Variants in SOX5 observed in about 807,000 individuals in gnomAD.
The protein encoded by SOX5 is SRY-box transcription factor 5, also known as transcription factor SOX-5.
SOX5 carries 9 observed loss-of-function variants against 92.0 expected under a neutral mutation model. That is an observed-to-expected ratio of 0.10 (90% CI 0.06 to 0.17). The LOEUF is 0.17. Among genes scored for constraint, SOX5 ranks in the 10% least tolerant of loss-of-function variants. The pLI, the probability that SOX5 is intolerant of heterozygous loss-of-function variation, is 1.00. For missense variants in SOX5, 642 were observed against 944.5 expected (o/e 0.68, Z 4.20); for synonymous variants, 344 against 336.3 (o/e 1.02, Z -0.25).
chr12:24,230,920 A>G (rs1401639921), intron 3 of SOX5, among the ~76,000 whole-genome samples: 1 of 152,236 alleles, frequency 6.6e-6, no homozygotes, highest in Non-Finnish European at 1.5e-5. Flanking sequence ...TAAATCTAAA[A>G]AGTGGCACTG....
At chr12:23,934,600 C>T (rs1388483175) in intron 1 of SOX5, among the ~76,000 whole-genome samples, 3 of 150,812 alleles carry the variant, frequency 2.0e-5, no homozygotes, top group Non-Finnish European at 3.0e-5. Flanking sequence ...CCAGTTTATA[C>T]AATACATAAT....
chr12:24,449,642 A>G (rs1412556976), intron 1 of SOX5, among the ~76,000 whole-genome samples: 1 of 152,240 alleles, frequency 6.6e-6, no homozygotes, highest in African/African-American at 2.4e-5. Context: ...TAATAGTAGT[A>G]AATATTTTTT....
chr12:24,459,069 A>T (rs975758964), intron 1 of SOX5, among the ~76,000 whole-genome samples: 1 of 152,188 alleles, frequency 6.6e-6, no homozygotes, highest in Non-Finnish European at 1.5e-5. Context: ...CAAGAAGTCA[A>T]CATCCAAATA....
intron 3 of SOX5, among the ~76,000 whole-genome samples, chr12:23,802,130 G>A (rs2095670340): frequency 6.6e-6 from 1 of 152,026 alleles, no homozygotes; most frequent in Admixed American, 6.6e-5. Flanking sequence ...CTGGAGTGCA[G>A]TGGTGCGATC....
chr12:24,403,084 A>G (rs1444443303), intron 1 of SOX5, among the ~76,000 whole-genome samples: 3 of 152,220 alleles, frequency 2.0e-5, no homozygotes, highest in Non-Finnish European at 4.4e-5. Flanking sequence ...AAGACATGCT[A>G]CATTATTTAC....
At chr12:23,818,517 G>T (rs1313198942) in intron 3 of SOX5, among the ~76,000 whole-genome samples, 1 of 152,094 alleles carries the variant, frequency 6.6e-6, no homozygotes, top group African/African-American at 2.4e-5. Flanking sequence ...AATGTGAAGG[G>T]CTAGGACAGG....
chr12:23,625,062 C>T (rs2077599033), intron 8 of SOX5, among the ~76,000 whole-genome samples: 1 of 152,110 alleles, frequency 6.6e-6, no homozygotes, highest in African/African-American at 2.4e-5. Context: ...TGCAGGAGAG[C>T]AGGTAGTCAG....
intron 8 of SOX5, among the ~76,000 whole-genome samples, chr12:23,625,940 C>T (rs2138243281): frequency 6.6e-6 from 1 of 152,206 alleles, no homozygotes; most frequent in African/African-American, 2.4e-5. Flanking sequence ...ACAGTCCCTC[C>T]ATTGTTTCAC....
chr12:23,758,817 T>C (rs2094479953), intron 3 of SOX5, among the ~76,000 whole-genome samples: 1 of 151,926 alleles, frequency 6.6e-6, no homozygotes, highest in Admixed American at 6.6e-5. Context: ...GGCTTCAGGG[T>C]ACAAGTTCCA....
At chr12:24,316,129 A>T (rs1949674841) in intron 2 of SOX5, among the ~76,000 whole-genome samples, 1 of 152,190 alleles carries the variant, frequency 6.6e-6, no homozygotes, top group African/African-American at 2.4e-5. Context: ...AATAAAAATC[A>T]CTGGAGTCTT....
intron 8 of SOX5, among the ~76,000 whole-genome samples, chr12:23,639,562 T>C (rs73091368): frequency 0.078 from 11,862 of 152,218 alleles, 592 homozygotes; most frequent in Non-Finnish European, 0.11. Flanking sequence ...TCCCCAGATC[T>C]CATTTCAAAG....
At chr12:24,424,810 G>GGC (rs996619977) in intron 1 of SOX5, among the ~76,000 whole-genome samples, 9 of 148,902 alleles carry the variant, frequency 6.0e-5, no homozygotes, top group African/African-American at 1.5e-4. Flanking sequence ...TTTTTTTTTG[G>GGC]GGGGGGGGGA....
At chr12:24,475,999 A>AT (rs68186105) in intron 1 of SOX5, among the ~76,000 whole-genome samples, 6,096 of 100,780 alleles carry the variant, frequency 0.06, 169 homozygotes, top group African/African-American at 0.13. Flanking sequence ...CATTTAAAAA[A>AT]AAAAAAAAAA....
intron 4 of SOX5, among the ~76,000 whole-genome samples, chr12:23,956,932 G>A (rs1013514741): frequency 6.6e-6 from 1 of 151,818 alleles, no homozygotes; most frequent in Non-Finnish European, 1.5e-5. Context: ...CCAAAGTGCT[G>A]GGATGAATTA....
intron 6 of SOX5, among the ~76,000 whole-genome samples, chr12:23,708,704 T>C (rs1329356358): frequency 1.3e-5 from 2 of 152,042 alleles, no homozygotes; most frequent in Non-Finnish European, 2.9e-5. Context: ...GAAAAAGACA[T>C]AAGGAATATC....
rs1271951387 is a variant in SOX5 at position 23,740,857 on chromosome 12, T to G, written c.741+10A>C. On this transcript the variant is annotated intron_variant, in intron 5 of 14. Transcript: ENST00000451604. ...TGAGGAATATGACTGCATCGCTAGT[T>G]CTTACTCACTTGTTCTTGTTGCTGC... 2 of 1,605,176 alleles carry G rather than the reference T, an allele frequency of 1.2e-6. No individual in the cohort carries two copies. The highest frequency in any genetic ancestry group is 3.3e-5 in the Admixed American group (2 of 59,722).
chr12:24,027,728 G>C (rs1955035557), intron 4 of SOX5, among the ~76,000 whole-genome samples: 1 of 151,826 alleles, frequency 6.6e-6, no homozygotes, highest in Admixed American at 6.6e-5. Flanking sequence ...GAGGGGGATG[G>C]GAAAGCAAAA....
At chr12:24,236,757 C>A (rs1964583996) in intron 3 of SOX5, among the ~76,000 whole-genome samples, 1 of 152,152 alleles carries the variant, frequency 6.6e-6, no homozygotes, top group African/African-American at 2.4e-5. Flanking sequence ...AGTTCTTCAG[C>A]CTTTAACCAC....
intron 1 of SOX5, among the ~76,000 whole-genome samples, chr12:24,439,620 C>T (rs146013152): frequency 2.5e-4 from 38 of 152,206 alleles, no homozygotes; most frequent in Non-Finnish European, 4.7e-4. Context: ...ATAGTCCGGG[C>T]GCAGTAGCTC....
Sources: allele counts gnomAD v4.1 joint callset (sites outside exome capture counted in the v4.1 genomes callset), GRCh38; gene constraint gnomAD v4.1.1; transcripts MANE v1.5; gene names NCBI Gene and HGNC (gene_info 2026-07-23, HGNC 2026-07-21).